Variants in GPC6 observed in about 807,000 individuals in gnomAD.
The protein encoded by GPC6 is glypican 6.
Under a neutral mutation model 55.2 loss-of-function variants are expected in GPC6, and 14 were observed. The observed-to-expected ratio is 0.25, with a 90% CI of 0.17 to 0.40. The LOEUF (loss-of-function observed/expected upper bound fraction) is 0.40. GPC6 is among the 10% of genes least tolerant of loss of function. The probability of loss-of-function intolerance (pLI) is 1.00; values close to 1 mark genes in which losing one functional copy is unlikely to be tolerated. For missense variants in GPC6, 641 were observed against 708.5 expected (o/e 0.90, Z 1.08); for synonymous variants, 278 against 259.6 (o/e 1.07, Z -0.68).
Position 93,231,327 on chromosome 13 carries a change from ATACG to A in GPC6, c.160+3714_160+3717del, listed in dbSNP as rs1566533151. ...CTTTCCTCATTTCATATATATATAT[ATACG>A]TATATATATATATACATATATATAT... is the stretch of plus-strand genomic sequence containing the variant. On this transcript the variant is annotated intron_variant, in intron 1 of 8. Coordinates refer to ENST00000377047, the MANE Select transcript of GPC6 (RefSeq NM_005708.5). Among the ~76,000 whole-genome samples, 150 of 52,050 alleles carry A rather than the reference ATACG, an allele frequency of 2.9e-3. 2 individuals are homozygous for A. The highest frequency in any genetic ancestry group is 0.012 in the African/African-American group (137 of 11,266). The allele number at this position is 52,050 out of a possible 152,430, so 34.1% of individuals were successfully genotyped here.
intron 1 of GPC6, among the ~76,000 whole-genome samples, chr13:93,241,334 C>A (rs555963617): frequency 2.6e-5 from 4 of 152,232 alleles, no homozygotes; most frequent in East Asian, 1.9e-4. Context: ...GTATTCATTT[C>A]TTTTGATTCT....
At chr13:94,390,111 C>T (rs2139217206) in intron 7 of GPC6, among the ~76,000 whole-genome samples, 1 of 152,294 alleles carries the variant, frequency 6.6e-6, no homozygotes, top group African/African-American at 2.4e-5. Context: ...ACTCTCATCA[C>T]AGAGTGTGGG....
At chr13:94,322,982 T>C (rs1876913440) in intron 6 of GPC6, among the ~76,000 whole-genome samples, 1 of 152,172 alleles carries the variant, frequency 6.6e-6, no homozygotes, top group African/African-American at 2.4e-5. Flanking sequence ...TATTTATTCA[T>C]GCATTTATTC....
chr13:93,769,970 CACCA>C lies in GPC6; in HGVS notation c.320-60179_320-60176del, dbSNP rs367997420. Among the ~76,000 whole-genome samples, 91 of 152,258 alleles carry C rather than the reference CACCA, an allele frequency of 6.0e-4. 1 individual carries two copies. The South Asian group carries it at 0.018, about 31-fold the overall frequency. ...AATTTAGTAGTTGGGGGAATGGGAT[CACCA>C]ACCATTATGGTTTGCCAAGGAACGA... On this transcript the variant is annotated intron_variant, in intron 2 of 8. Transcript: ENST00000377047.
intron 4 of GPC6, among the ~76,000 whole-genome samples, chr13:94,049,248 C>CAAAAAAAAAAA (rs776241623): frequency 1.4e-5 from 2 of 138,304 alleles, no homozygotes; most frequent in East Asian, 4.4e-4. Flanking sequence ...GATCTTATCT[C>CAAAAAAAAAAA]AAAAAAAAAA....
At chr13:94,261,613 G>GAGCT (rs574212497) in intron 4 of GPC6, among the ~76,000 whole-genome samples, 37 of 152,306 alleles carry the variant, frequency 2.4e-4, no homozygotes, top group South Asian at 8.3e-4. Flanking sequence ...TACCCTGGAG[G>GAGCT]AGCTAATGCT....
intron 4 of GPC6, among the ~76,000 whole-genome samples, chr13:94,062,502 C>T (rs1167329462): frequency 6.6e-6 from 1 of 152,064 alleles, no homozygotes; most frequent in East Asian, 1.9e-4. Context: ...CCACCCGCCT[C>T]GACCTCCCAA....
intron 2 of GPC6, among the ~76,000 whole-genome samples, chr13:93,634,701 A>G (rs1350528890): frequency 6.6e-6 from 1 of 152,146 alleles, no homozygotes; most frequent in African/African-American, 2.4e-5. Context: ...GGGAAGACAC[A>G]GTAGGAAAGG....
At chr13:94,254,818 C>T (rs1457927285) in intron 4 of GPC6, among the ~76,000 whole-genome samples, 2 of 152,102 alleles carry the variant, frequency 1.3e-5, no homozygotes, top group Admixed American at 6.5e-5. Flanking sequence ...AAACTCTGCT[C>T]ATCAGTGATT....
chr13:94,018,226 T>A (rs1450179846), intron 3 of GPC6, among the ~76,000 whole-genome samples: 2 of 152,144 alleles, frequency 1.3e-5, no homozygotes, highest in Non-Finnish European at 2.9e-5. Flanking sequence ...ATATTGACAG[T>A]TTCTTATGTT....
At chr13:94,126,137 G>A (rs1000506829) in intron 4 of GPC6, among the ~76,000 whole-genome samples, 5 of 152,080 alleles carry the variant, frequency 3.3e-5, no homozygotes, top group Non-Finnish European at 5.9e-5. Flanking sequence ...CAACACTTTG[G>A]GAGAGGCAGA....
At chr13:94,087,463 G>A (rs781207514) in intron 4 of GPC6, among the ~76,000 whole-genome samples, 2 of 152,208 alleles carry the variant, frequency 1.3e-5, no homozygotes, top group Non-Finnish European at 2.9e-5. Flanking sequence ...ACCAATTCAA[G>A]TATCATTGTT....
rs542276408 is a variant in GPC6, at chr13:93,250,616, C to T, written c.160+23000C>T. 6.4e-4 allele frequency among the ~76,000 whole-genome samples: 98 copies of T among 152,234 alleles called. No individual in the cohort carries two copies. In the South Asian group the frequency reaches 0.014, roughly 22 times the overall value. On this transcript the variant is annotated intron_variant, in intron 1 of 8. Transcript: ENST00000377047. ...TTTCTGAGTTCTTCCCAGGAGGGCTCTAGGGATTGCTGAGCCAGACCAGTG... is the reference window on the plus strand; with the variant it reads ...TTTCTGAGTTCTTCCCAGGAGGGCTTTAGGGATTGCTGAGCCAGACCAGTG...
intron 1 of GPC6, among the ~76,000 whole-genome samples, chr13:93,346,695 G>GA (rs1339558279): frequency 6.6e-6 from 1 of 151,976 alleles, no homozygotes; most frequent in Admixed American, 6.6e-5. Context: ...AAAGAAGTGA[G>GA]AAAAAAGGAC....
chr13:93,846,160 G>A (rs1370036386), intron 3 of GPC6, among the ~76,000 whole-genome samples: 1 of 152,022 alleles, frequency 6.6e-6, no homozygotes, highest in Non-Finnish European at 1.5e-5. Flanking sequence ...TGTATAGCAA[G>A]CACAGGCTTA....
intron 6 of GPC6, among the ~76,000 whole-genome samples, chr13:94,378,768 A>G (rs1158502704): frequency 3.3e-5 from 5 of 152,240 alleles, no homozygotes; most frequent in African/African-American, 7.2e-5. Flanking sequence ...ATACTTAAAT[A>G]TTACTGGGAT....
intron 3 of GPC6, among the ~76,000 whole-genome samples, chr13:93,881,880 T>A (rs1279478711): frequency 6.6e-6 from 1 of 152,072 alleles, no homozygotes; most frequent in African/African-American, 2.4e-5. Flanking sequence ...CTCTTATTTG[T>A]TCAACCCTAG....
chr13:93,712,892 G>T (rs776384915), intron 2 of GPC6, among the ~76,000 whole-genome samples: 4 of 151,160 alleles, frequency 2.6e-5, no homozygotes, highest in South Asian at 4.2e-4. Flanking sequence ...AGATAATAGC[G>T]TATTTTAAAA....
chr13:93,324,131 T>A (rs569349486), intron 1 of GPC6, among the ~76,000 whole-genome samples: 1 of 152,306 alleles, frequency 6.6e-6, no homozygotes, highest in South Asian at 2.1e-4. Flanking sequence ...AATAAGATCC[T>A]GTCATTTGCA....
Sources: allele counts gnomAD v4.1 joint callset (sites outside exome capture counted in the v4.1 genomes callset), GRCh38; gene constraint gnomAD v4.1.1; transcripts MANE v1.5; gene names NCBI Gene and HGNC (gene_info 2026-07-23, HGNC 2026-07-21).